Variants in ZNF385C observed in about 807,000 individuals in gnomAD.
ZNF385C encodes the protein zinc finger protein 385C.
In ZNF385C, 28 loss-of-function variants were observed where a neutral mutation model predicts 35.4. The ratio of observed to expected loss-of-function variants is 0.79; its 90% CI spans 0.59 to 1.08. ZNF385C has a LOEUF of 1.08. Among genes scored for constraint, ZNF385C ranks in the 50% least tolerant of loss-of-function variants. The pLI is 0.00. For synonymous variants in ZNF385C, 248 were observed against 248.2 expected, an observed-to-expected ratio of 1.00 and a Z score of 0.01; for missense variants, 605 against 595.6, an observed-to-expected ratio of 1.02 and a Z score of -0.16.
chr17:42,089,535 C>T (rs1446657758), intron 1 of ZNF385C, among the ~76,000 whole-genome samples: 2 of 152,072 alleles, frequency 1.3e-5, no homozygotes, highest in Non-Finnish European at 2.9e-5. Flanking sequence ...CAACTCTCCA[C>T]CTAAAAATAT....
At chr17:42,079,199 A>T (rs868974588) in intron 1 of ZNF385C, among the ~76,000 whole-genome samples, 1,825 of 132,480 alleles carry the variant, frequency 0.014, 17 homozygotes, top group Non-Finnish European at 0.021. Context: ...AAAAAAAAAA[A>T]AAAAATATAT....
rs1301961546 is a variant in ZNF385C, at chr17:42,034,301, G to C, written c.434C>G (p.Thr145Arg). 3.2e-6 allele frequency: 5 copies of C among 1,550,504 alleles called. No individual in the cohort carries two copies. The highest frequency in any genetic ancestry group is 2.7e-5 in the African/African-American group (2 of 73,040). Residue 145 changes from threonine to arginine, a missense_variant, in exon 4 of 9, where the codon ACG becomes AGG. Coordinates refer to ENST00000692273, the MANE Select transcript of ZNF385C (RefSeq NM_001392013.1). Reference sequence around the variant, plus strand: ...CTTCAGAGGGGAGGGGACACCAAACGTGTGGCTGATGACAGCTTTCTGGAC... The same window carrying C: ...CTTCAGAGGGGAGGGGACACCAAACCTGTGGCTGATGACAGCTTTCTGGAC... ...DPVQKAVISHTFGVPSPLKKK... is the reference protein window; with the variant it reads ...DPVQKAVISHRFGVPSPLKKK...
At chr17:42,043,000 G>A (rs782261836) in intron 2 of ZNF385C, 74 of 1,232,186 alleles carry the variant, frequency 6.0e-5, no homozygotes, top group Non-Finnish European at 6.8e-5. Flanking sequence ...CACTTTGGCC[G>A]GGTCTAACTC....
chr17:42,071,341 G>A (rs984114833), intron 1 of ZNF385C, among the ~76,000 whole-genome samples: 2 of 152,122 alleles, frequency 1.3e-5, no homozygotes, highest in Admixed American at 6.5e-5. Context: ...CACAGGAGGT[G>A]AAGGAGCAGT....
chr17:42,080,570 A>G (rs568004566), intron 1 of ZNF385C, among the ~76,000 whole-genome samples: 2 of 152,296 alleles, frequency 1.3e-5, no homozygotes, highest in African/African-American at 4.8e-5. Flanking sequence ...GGGGTGGGGA[A>G]GGGAGAACCT....
chr17:42,069,197 C>T (rs1267591186), intron 1 of ZNF385C, among the ~76,000 whole-genome samples: 1 of 148,286 alleles, frequency 6.7e-6, no homozygotes, highest in African/African-American at 2.5e-5. Context: ...CTCACACTAC[C>T]TGTGCTGGAG....
intron 2 of ZNF385C, chr17:42,039,278 A>G (rs1555655786): frequency 6.1e-6 from 1 of 164,182 alleles, no homozygotes; most frequent in African/African-American, 2.4e-5. Context: ...GAAAAGAAAA[A>G]GAAAGAAACA....
intron 2 of ZNF385C, among the ~76,000 whole-genome samples, chr17:42,057,200 G>T (rs1555657593): frequency 6.6e-6 from 1 of 152,086 alleles, no homozygotes; most frequent in Admixed American, 6.5e-5. Context: ...GTGGCCTTGG[G>T]TGTTACCTAA....
chr17:42,032,729 TG>T lies in ZNF385C; in HGVS notation c.511-946del, dbSNP rs2052759193. On this transcript the variant is annotated intron_variant, in intron 4 of 8. Transcript: ENST00000692273. Reference sequence around the variant, plus strand: ...TCTCTCCTCCATCTTTTTTTTTTTTTGAGACGGAATCTCGCTTTGTCACCCA... The same window carrying T: ...TCTCTCCTCCATCTTTTTTTTTTTTTAGACGGAATCTCGCTTTGTCACCCA... Among the ~76,000 whole-genome samples the T allele has an allele frequency of 2.6e-5, 4 of 151,928 alleles. No individual in the cohort carries two copies. In the South Asian group the frequency reaches 8.3e-4, roughly 32 times the overall value.
intron 2 of ZNF385C, among the ~76,000 whole-genome samples, chr17:42,048,990 C>CA (rs2053229351): frequency 6.6e-6 from 1 of 152,062 alleles, no homozygotes; most frequent in Non-Finnish European, 1.5e-5. Flanking sequence ...CACAACCACC[C>CA]ACTCCTCTAA....
chr17:42,033,015 C>T lies in ZNF385C; in HGVS notation c.510+1210G>A, dbSNP rs781826065. Among the ~76,000 whole-genome samples, 9 of 152,114 alleles carry T rather than the reference C, an allele frequency of 5.9e-5. No homozygotes were observed. The South Asian group carries it at 6.2e-4, about 11-fold the overall frequency. On this transcript the variant is annotated intron_variant, in intron 4 of 8. Transcript: ENST00000692273. The stretch of plus-strand genomic sequence containing the variant: ...CTGGGATTACAGGCATGAGCCACCA[C>T]GCCCAGCCTCTCCTCCATCTCTTGC...
In ZNF385C at chr17:42,067,606, A is replaced by G. The variant is rs1490538791; in HGVS notation, c.-2-4548T>C. 3.3e-5 allele frequency among the ~76,000 whole-genome samples: 5 copies of G among 152,240 alleles called. No homozygotes were observed. In the East Asian group the frequency reaches 9.6e-4, roughly 29 times the overall value. ...ACGGGTCCAGGGTATAGCTCTTCCCACAGAGGGCACACTGGAGGTCACTGC... is the reference window on the plus strand; with the variant it reads ...ACGGGTCCAGGGTATAGCTCTTCCCGCAGAGGGCACACTGGAGGTCACTGC... On this transcript the variant is annotated intron_variant, in intron 1 of 8. Coordinates refer to ENST00000692273, the MANE Select transcript of ZNF385C (RefSeq NM_001392013.1).
Position 42,029,033 on chromosome 17 carries a change from T to C in ZNF385C, c.717A>G (p.Pro239=), listed in dbSNP as rs1555654714. 6.5e-7 allele frequency: 1 copy of C among 1,550,122 alleles called. No individual in the cohort carries two copies. The highest frequency in any genetic ancestry group is 1.4e-5 in the African/African-American group (1 of 73,042). Residue 239 remains proline (P), a synonymous_variant, in exon 6 of 9, where the codon CCA becomes CCG. Coordinates refer to ENST00000692273, the MANE Select transcript of ZNF385C (RefSeq NM_001392013.1). ...CCCTGCATGTAGGGTCTGGAGTTGG[T>C]GGTGGCTGGAGTGGAGGCCCAAGAG... is the stretch of plus-strand genomic sequence containing the variant. ...APPLGPPLQP[P]PTPDPTCREP... is the part of the protein sequence containing the mutation.
chr17:42,043,121 G>A (rs540274862), intron 2 of ZNF385C: 59 of 1,232,244 alleles, frequency 4.8e-5, no homozygotes, highest in African/African-American at 4.6e-4. Flanking sequence ...AGAGCCTGGC[G>A]GTGGGCTCCT....
At position 42,043,470 on chromosome 17, in the gene ZNF385C, G is replaced by T. The variant is rs549026000; in HGVS notation, c.251-5585C>A. 7.1e-6 allele frequency: 8 copies of T among 1,134,130 alleles called. No homozygotes were observed. In the African/African-American group the frequency reaches 1.1e-4, roughly 16 times the overall value. The allele number at this position is 1,134,130 out of a possible 1,614,324, so 70.3% of individuals were successfully genotyped here. A position where few individuals can be genotyped will look rare whatever the true frequency, so the allele number is the denominator to read the frequency against. On this transcript the variant is annotated intron_variant, in intron 2 of 8. Transcript: ENST00000692273. ...ACAGGCACCTCCCTTGACAAGGAGAGTTGATGGGGAGGCAGGCTGGGGGCA... is the reference window on the plus strand; with the variant it reads ...ACAGGCACCTCCCTTGACAAGGAGATTTGATGGGGAGGCAGGCTGGGGGCA...
At chr17:42,085,293 G>A (rs901179669) in intron 1 of ZNF385C, among the ~76,000 whole-genome samples, 1 of 151,910 alleles carries the variant, frequency 6.6e-6, no homozygotes, top group African/African-American at 2.4e-5. Context: ...TTTTTAATTT[G>A]AGACAGAGTC....
At chr17:42,044,040 G>A (rs2053088525) in intron 2 of ZNF385C, among the ~76,000 whole-genome samples, 1 of 150,906 alleles carries the variant, frequency 6.6e-6, no homozygotes, top group African/African-American at 2.4e-5. Flanking sequence ...ATCAGGCCAG[G>A]CATGGTGGCT....
chr17:42,027,218 T>G (rs2052604079), intron 8 of ZNF385C, 85 bp from the exon 9 acceptor site: 1 of 1,274,512 alleles, frequency 7.8e-7, no homozygotes, highest in African/African-American at 1.5e-5. Context: ...AGCTTTTTGC[T>G]GCAGGGAAAG....
At chr17:42,043,300 T>TG (rs1220463768) in intron 2 of ZNF385C, 32 of 1,232,160 alleles carry the variant, frequency 2.6e-5, no homozygotes, top group Non-Finnish European at 3.2e-5. Flanking sequence ...CTCTTTCCAG[T>TG]GCTCGTTGAA....
Sources: gnomAD v4.1 joint callset for allele counts (sites outside exome capture counted in the v4.1 genomes callset) on GRCh38, gnomAD v4.1.1 for gene constraint, MANE v1.5 for transcripts, NCBI Gene and HGNC (gene_info 2026-07-23, HGNC 2026-07-21) for gene names.